HSPG2: variants seen among roughly 807,000 people sequenced by gnomAD.
HSPG2 encodes heparan sulfate proteoglycan 2.
In HSPG2, 278 loss-of-function variants were observed where a neutral mutation model predicts 526.6. That is an observed-to-expected ratio of 0.53 (90% CI 0.48 to 0.58). The LOEUF (loss-of-function observed/expected upper bound fraction) is 0.58, where lower values mean the gene tolerates loss of function less well. Ranked by LOEUF, HSPG2 falls within the 20% of genes least tolerant of loss-of-function variation. HSPG2 has a pLI of 0.00. For missense variants in HSPG2, 5,354 were observed against 6,099.5 expected (o/e 0.88, Z 4.07); for synonymous variants, 2,465 against 2,555.4 (o/e 0.96, Z 1.07).
Position 21,881,215 on chromosome 1 carries a change from G to T in HSPG2, c.1818+124C>A, listed in dbSNP as rs866323385. The T allele has an allele frequency of 1.8e-5, 21 of 1,163,748 alleles. No individual in the cohort carries two copies. The Middle Eastern group carries it at 8.3e-4, about 46-fold the overall frequency. The allele number at this position is 1,163,748 out of a possible 1,614,324, so 72.1% of individuals were successfully genotyped here. On this transcript the variant is annotated intron_variant, in intron 14 of 96. Coordinates refer to ENST00000374695, the MANE Select transcript of HSPG2 (RefSeq NM_005529.7). ...CTGAATGGATGAGCCGCTGCCACAG[G>T]GGGCTGCATCGGGGCATGGTAACAC...
At chr1:21,888,090 T>TGGAGTCAGAGGCGGCA in intron 6 of HSPG2, 24 bp from the exon 7 acceptor site, 1 of 1,613,518 alleles carries the variant, frequency 6.2e-7, no homozygotes, top group South Asian at 1.1e-5. Context: ...GGAAGCAGAC[T>TGGAGTCAGAGGCGGCA]GGAGTCAGAG....
In HSPG2 at chr1:21,890,478, G is replaced by A. The variant is rs780963482; in HGVS notation, c.362C>T (p.Ser121Leu). The A allele has an allele frequency of 8.1e-6, 13 of 1,613,754 alleles. No homozygotes were observed. Among genetic ancestry groups the A allele is most frequent in the Middle Eastern group, 1.6e-4 (1 of 6,062 alleles). ...GTCTCCGGGAATTTTCAAGTACTCC[G>A]ACTCCAGCTGGGGAGGGACACAGTG... is the stretch of plus-strand genomic sequence containing the variant. Reference protein sequence around the residue: ...VSEAVVDTLESEYLKIPGDQV... With the variant: ...VSEAVVDTLELEYLKIPGDQV... Residue 121 changes from serine to leucine, a missense_variant, in exon 5 of 97, where the codon TCG becomes TTG. Physicochemically the swap from Ser to Leu is moderately radical, Grantham distance 145 (BLOSUM62 -2). Transcript: ENST00000374695. The surrounding 1 kb of genome is among the most constrained non-coding windows in gnomAD (Gnocchi z 4.1).
chr1:21,908,469 C>G (rs938937281), intron 1 of HSPG2: 1 of 838,886 alleles, frequency 1.2e-6, no homozygotes, highest in African/African-American at 1.7e-5. Context: ...AGAAAGGTAC[C>G]TGGGTTCAAC....
intron 1 of HSPG2, among the ~76,000 whole-genome samples, chr1:21,913,563 C>T (rs1365257047): frequency 6.6e-6 from 1 of 152,220 alleles, no homozygotes; most frequent in Admixed American, 6.5e-5. Context: ...TGCCCAACCC[C>T]CAGGCCTTAG....
chr1:21,895,988 A>T lies in HSPG2; in HGVS notation c.200-22T>A. 1 of 1,613,558 alleles carries T rather than the reference A, an allele frequency of 6.2e-7. No homozygotes were observed. Among genetic ancestry groups the T allele is most frequent in the Non-Finnish European group, 8.5e-7 (1 of 1,179,538 alleles). ...TCGTCTATAAGCAAAAAAGAGATGT[A>T]ATCAGCAACAACAAGTATTTGTTGA... On this transcript the variant is annotated intron_variant, in intron 2 of 96. Transcript: ENST00000374695. The surrounding 1 kb of genome is among the most constrained non-coding windows in gnomAD (Gnocchi z 4.1).
chr1:21,876,179 C>A, intron 23 of HSPG2, 50 bp downstream of exon 23: 1 of 1,572,918 alleles, frequency 6.4e-7, no homozygotes, highest in South Asian at 1.1e-5. Context: ...CCTTTGCCTG[C>A]GCTGTTCCTG....
At position 21,848,672 on chromosome 1, in the gene HSPG2, G is replaced by C; in HGVS notation, c.7708C>G (p.Arg2570Gly). ...QAPHTITWYK[R>G]GGSLPSRHQI... ...TGCCGGCTGGGTAAGCTGCCTCCACGCTTATACCAGGTGATGGTGTGGGGA... is the reference window on the plus strand; with the variant it reads ...TGCCGGCTGGGTAAGCTGCCTCCACCCTTATACCAGGTGATGGTGTGGGGA... Residue 2570 changes from arginine to glycine, a missense_variant, in exon 59 of 97, where the codon CGT (arginine) becomes GGT (glycine). Arg to Gly is a moderately radical substitution (Grantham distance 125). Coordinates refer to ENST00000374695, the MANE Select transcript of HSPG2 (RefSeq NM_005529.7). This position sits in a 1 kb window ranked among gnomAD's most constrained non-coding sequence, Gnocchi z 4.9. 3.7e-6 allele frequency: 6 copies of C among 1,613,596 alleles called. No homozygotes were observed. Among genetic ancestry groups the C allele is most frequent in the Non-Finnish European group, 5.1e-6 (6 of 1,179,994 alleles).
chr1:21,850,178 G>C lies in HSPG2; in HGVS notation c.7309C>G (p.Pro2437Ala). ...AGSVPALGVT[P>A]TVRIESSSSQ... The stretch of plus-strand genomic sequence containing the variant: ...GACGATGACTCGATCCGGACCGTGG[G>C]GGTGACCCCAAGTGCTGGGGACAGA... The change falls in exon 57 of 97, where the codon CCC becomes GCC. Residue 2437 changes from proline (P) to alanine (A), a missense_variant. By Grantham distance (27) the Pro-to-Ala change is conservative. Transcript: ENST00000374695. 1.2e-6 allele frequency: 2 copies of C among 1,613,382 alleles called. No individual in the cohort carries two copies. Among genetic ancestry groups the C allele is most frequent in the Non-Finnish European group, 1.7e-6 (2 of 1,180,042 alleles).
At position 21,865,718 on chromosome 1, in the gene HSPG2, G is replaced by T; in HGVS notation, c.4313C>A (p.Thr1438Lys). 6.2e-7 allele frequency: 1 copy of T among 1,612,004 alleles called. No individual in the cohort carries two copies. Among genetic ancestry groups the T allele is most frequent in the East Asian group, 2.2e-5 (1 of 44,870 alleles). ...CCAGCATGGTGTCCAAATGCTCACC[G>T]TGATCTGCACATCGGGGTCAGAGAG... is the stretch of plus-strand genomic sequence containing the variant. ...SPLSDPDVQI[T>K]GNNIMLVASQ... is the part of the protein sequence containing the mutation. Residue 1438 changes from threonine (T) to lysine (K), a missense_variant and splice_region_variant, in exon 34 of 97, where the codon ACG becomes AAG. By Grantham distance (78) the Thr-to-Lys change is moderately conservative. Coordinates refer to ENST00000374695, the MANE Select transcript of HSPG2 (RefSeq NM_005529.7). The surrounding 1 kb of genome is among the most constrained non-coding windows in gnomAD (Gnocchi z 5.4).
chr1:21,823,830 C>A, intron 95 of HSPG2, 111 bp from the exon 96 acceptor site: 1 of 870,220 alleles, frequency 1.1e-6, no homozygotes, highest in East Asian at 2.6e-5. Context: ...AAGTCTGTCC[C>A]TGTTTCCCAA....
chr1:21,838,821 T>C lies in HSPG2; in HGVS notation c.10150+4A>G. ...CCCTTCCACGCAGAGCCGGGGCTGCTTACCTTGGACGAGCAGCTGGGCAAA... is the reference window on the plus strand; with the variant it reads ...CCCTTCCACGCAGAGCCGGGGCTGCCTACCTTGGACGAGCAGCTGGGCAAA... On this transcript the variant is annotated splice_donor_region_variant and intron_variant, in intron 74 of 96. Coordinates refer to ENST00000374695, the MANE Select transcript of HSPG2 (RefSeq NM_005529.7). 6.2e-7 allele frequency: 1 copy of C among 1,611,758 alleles called. No homozygotes were observed. Among genetic ancestry groups the C allele is most frequent in the South Asian group, 1.1e-5 (1 of 90,674 alleles).
At chr1:21,842,709 G>C in intron 67 of HSPG2, 61 bp downstream of exon 67, 1 of 1,606,064 alleles carries the variant, frequency 6.2e-7, no homozygotes, top group South Asian at 1.1e-5. Flanking sequence ...TTTGGGTACA[G>C]AAAGCAACTG....
chr1:21,844,286 G>A lies in HSPG2; in HGVS notation c.8478C>T (p.Ala2826=), dbSNP rs200821835. ...AGGAGGGCTCGATGCGGATGGGTGGGGCTCCACCTGGGGCTGGGGCACAGG... is the reference window on the plus strand; with the variant it reads ...AGGAGGGCTCGATGCGGATGGGTGGAGCTCCACCTGGGGCTGGGGCACAGG... ...SAVHVPAPGG[A]PPIRIEPSSS... Residue 2826 remains alanine (A), a synonymous_variant, in exon 65 of 97, where the codon GCC becomes GCT. Transcript: ENST00000374695. The A allele has an allele frequency of 1.8e-5, 29 of 1,612,826 alleles. No individual in the cohort carries two copies. The East Asian group carries it at 3.6e-4, about 20-fold the overall frequency.
chr1:21,861,956 T>C (rs1336302425), intron 38 of HSPG2, 32 bp downstream of exon 38: 1 of 1,614,224 alleles, frequency 6.2e-7, no homozygotes, highest in African/African-American at 1.3e-5. Flanking sequence ...CCAGTGGAAG[T>C]GTGTCCTTGG....
intron 6 of HSPG2, chr1:21,888,730 G>A: frequency 7.3e-7 from 1 of 1,363,586 alleles, no homozygotes; most frequent in Non-Finnish European, 9.8e-7. Context: ...TGGAAAGGAA[G>A]ATGTGATCAG....
chr1:21,862,307 G>A (rs1639851519), intron 37 of HSPG2, among the ~76,000 whole-genome samples, 192 bp from the exon 38 acceptor site: 1 of 152,182 alleles, frequency 6.6e-6, no homozygotes. Context: ...AAATGGGCTG[G>A]GCACAGTGAC....
chr1:21,911,664 C>G (rs115918348), intron 1 of HSPG2, among the ~76,000 whole-genome samples: 2,084 of 152,274 alleles, frequency 0.014, 59 homozygotes, highest in African/African-American at 0.047. Flanking sequence ...GCTCCAGGGC[C>G]CCCGTGGGGA....
chr1:21,887,144 G>A lies in HSPG2; in HGVS notation c.1078+71C>T, dbSNP rs1641958193. 4.4e-6 allele frequency: 7 copies of A among 1,575,012 alleles called. No individual in the cohort carries two copies. In the Middle Eastern group the frequency reaches 1.1e-3, roughly 252 times the overall value. On this transcript the variant is annotated intron_variant, in intron 9 of 96. Transcript: ENST00000374695. This position sits in a 1 kb window ranked among gnomAD's most constrained non-coding sequence, Gnocchi z 5.0. ...GGGGCAGGGTAGGGGCGGGGCAGGA[G>A]TGGAAGGCGGGGCAGGAGCAAGCGG...
intron 1 of HSPG2, among the ~76,000 whole-genome samples, chr1:21,929,163 G>A (rs1346789282): frequency 6.6e-6 from 1 of 152,188 alleles, no homozygotes; most frequent in African/African-American, 2.4e-5. Context: ...CACTCTAGAT[G>A]AGGGGGTAAG....
Sources: gnomAD v4.1 joint callset for allele counts (sites outside exome capture counted in the v4.1 genomes callset) on GRCh38, gnomAD v4.1.1 for gene constraint, Gnocchi (gnomAD v3.1) non-coding constraint, MANE v1.5 for transcripts, NCBI Gene and HGNC (gene_info 2026-07-23, HGNC 2026-07-21) for gene names.